MYO5A: variants seen among roughly 807,000 people sequenced by gnomAD.
MYO5A encodes unconventional myosin-Va.
A neutral mutation model predicts 249.7 loss-of-function variants in MYO5A; 98 were observed. That is an observed-to-expected ratio of 0.39 (90% CI 0.33 to 0.46). The LOEUF is 0.46. Ranked by LOEUF, MYO5A falls within the 20% of genes least tolerant of loss-of-function variation. MYO5A has a pLI of 0.98. For synonymous variants in MYO5A, 778 were observed against 810.6 expected (o/e 0.96, Z 0.68); for missense variants, 1,696 against 2,308.8 (o/e 0.73, Z 5.44).
intron 34 of MYO5A, chr15:52,331,862 G>A (rs1474080053): frequency 2.0e-6 from 2 of 985,294 alleles, no homozygotes; most frequent in Admixed American, 6.1e-5. Flanking sequence ...ATTGTGATTG[G>A]ACAGATCAGG....
chr15:52,356,184 T>C (rs1434466384), intron 25 of MYO5A, among the ~76,000 whole-genome samples: 1 of 152,164 alleles, frequency 6.6e-6, no homozygotes, highest in Non-Finnish European at 1.5e-5. Context: ...ATGGCAACAA[T>C]CATTTATTTA....
chr15:52,453,448 T>G (rs67992061), intron 1 of MYO5A, among the ~76,000 whole-genome samples: 6,892 of 151,496 alleles, frequency 0.045, 244 homozygotes, highest in East Asian at 0.18. Context: ...TTCTTCAATG[T>G]GGAAGAAGAA....
At chr15:52,411,022 C>T (rs931936153) in intron 5 of MYO5A, among the ~76,000 whole-genome samples, 2 of 152,148 alleles carry the variant, frequency 1.3e-5, no homozygotes, top group Non-Finnish European at 2.9e-5. Context: ...AACAGCAGAC[C>T]TGAACTCAGA....
intron 1 of MYO5A, among the ~76,000 whole-genome samples, chr15:52,504,357 G>A (rs558831465): frequency 3.9e-5 from 6 of 152,234 alleles, no homozygotes; most frequent in African/African-American, 1.4e-4. Flanking sequence ...AAGGACTGAG[G>A]AGGTAGCCAG....
chr15:52,502,746 T>C (rs1030810884), intron 1 of MYO5A, among the ~76,000 whole-genome samples: 5 of 152,200 alleles, frequency 3.3e-5, no homozygotes, highest in Admixed American at 2.6e-4. Flanking sequence ...GTAAATAACA[T>C]TTTGGTTGAT....
chr15:52,489,877 AT>A (rs2076901073), intron 1 of MYO5A, among the ~76,000 whole-genome samples: 2 of 152,180 alleles, frequency 1.3e-5, no homozygotes, highest in Admixed American at 6.5e-5. Flanking sequence ...AGCAACAATG[AT>A]GAACAACCTG....
chr15:52,393,174 T>C (rs527623589), intron 11 of MYO5A, among the ~76,000 whole-genome samples: 2 of 152,320 alleles, frequency 1.3e-5, no homozygotes, highest in South Asian at 4.1e-4. Flanking sequence ...TTATCTCTTT[T>C]GTCTCCTTTG....
intron 5 of MYO5A, among the ~76,000 whole-genome samples, chr15:52,411,254 C>T (rs1342605803): frequency 6.6e-6 from 1 of 152,142 alleles, no homozygotes; most frequent in Non-Finnish European, 1.5e-5. Context: ...GTCTCTTTAG[C>T]CTGATGTTTC....
intron 1 of MYO5A, among the ~76,000 whole-genome samples, chr15:52,501,865 CAT>C (rs1328049926): frequency 1.5e-5 from 2 of 130,792 alleles, no homozygotes; most frequent in Admixed American, 8.4e-5. Context: ...CACACACACA[CAT>C]ACATATACTA....
At chr15:52,357,849 G>A (rs190198792) in intron 25 of MYO5A, among the ~76,000 whole-genome samples, 178 of 152,296 alleles carry the variant, frequency 1.2e-3, no homozygotes, top group African/African-American at 3.9e-3. Flanking sequence ...CTAAGACAGC[G>A]AAGCTTTTTA....
rs2041644102 is a variant in MYO5A, at chr15:52,379,940, A to G, written c.2013-32T>C. 3 of 1,611,110 alleles carry G rather than the reference A, an allele frequency of 1.9e-6. No individual in the cohort carries two copies. In the East Asian group the frequency reaches 6.7e-5, roughly 36 times the overall value. ...ATAAAAATCAAAGCTGTTAGTCCAC[A>G]AAGAACCTGGCTGGTGGCCACAAAT... On this transcript the variant is annotated intron_variant, in intron 16 of 41. Coordinates refer to ENST00000399233, the MANE Select transcript of MYO5A (RefSeq NM_001382347.1).
At chr15:52,353,722 C>T in intron 26 of MYO5A, 64 bp from the exon 27 acceptor site, 1 of 1,589,482 alleles carries the variant, frequency 6.3e-7, no homozygotes, top group Non-Finnish European at 8.6e-7. Context: ...TATTTACTTG[C>T]TCTACCGAAA....
At chr15:52,380,602 A>G (rs1188396709) in intron 16 of MYO5A, among the ~76,000 whole-genome samples, 1 of 151,808 alleles carries the variant, frequency 6.6e-6, no homozygotes, top group Non-Finnish European at 1.5e-5. Flanking sequence ...CCCCGTCTCT[A>G]CAAAAAATAC....
At chr15:52,503,084 CA>C (rs1437643230) in intron 1 of MYO5A, among the ~76,000 whole-genome samples, 6 of 152,050 alleles carry the variant, frequency 3.9e-5, no homozygotes, top group African/African-American at 1.4e-4. Context: ...TATTAATATA[CA>C]GTTTGATAGA....
chr15:52,405,860 AT>A (rs993927744), intron 8 of MYO5A, among the ~76,000 whole-genome samples: 17 of 152,236 alleles, frequency 1.1e-4, no homozygotes, highest in African/African-American at 3.4e-4. Flanking sequence ...TACCATTTCT[AT>A]TTATCTCTGC....
intron 5 of MYO5A, among the ~76,000 whole-genome samples, chr15:52,412,815 A>C (rs1173919358): frequency 6.6e-6 from 1 of 152,200 alleles, no homozygotes. Context: ...TCTTTACTAA[A>C]TGGAGATGAA....
chr15:52,451,222 C>T (rs1171086053), intron 1 of MYO5A, among the ~76,000 whole-genome samples: 1 of 152,096 alleles, frequency 6.6e-6, no homozygotes, highest in Non-Finnish European at 1.5e-5. Flanking sequence ...GGGAAAAAAA[C>T]TGATACTCAG....
intron 38 of MYO5A, 114 bp from the exon 39 acceptor site, chr15:52,319,456 G>A (rs887785957): frequency 3.2e-5 from 38 of 1,183,478 alleles, no homozygotes; most frequent in Admixed American, 7.0e-5. Flanking sequence ...AGCTGGGCAC[G>A]GTGGCTCACA....
rs2075440880 is a variant in MYO5A at position 52,428,255 on chromosome 15, A to C, written c.310+143T>G. Reference sequence around the variant, plus strand: ...TTATTCAGCATAAATGCAACTTGGTAAATCTTTCTGATAACGCTCAAGTGA... The same window carrying C: ...TTATTCAGCATAAATGCAACTTGGTCAATCTTTCTGATAACGCTCAAGTGA... On this transcript the variant is annotated intron_variant, in intron 3 of 41. Transcript: ENST00000399233. 3.5e-6 allele frequency: 3 copies of C among 864,680 alleles called. No individual in the cohort carries two copies. The Admixed American group carries it at 6.1e-5, about 18-fold the overall frequency. The allele number at this position is 864,680 out of a possible 1,614,324, so 53.6% of individuals were successfully genotyped here.
Sources: allele counts gnomAD v4.1 joint callset (sites outside exome capture counted in the v4.1 genomes callset), GRCh38; gene constraint gnomAD v4.1.1; transcripts MANE v1.5; gene names NCBI Gene and HGNC (gene_info 2026-07-23, HGNC 2026-07-21).